TMEM214: variants seen among roughly 807,000 people sequenced by gnomAD.
TMEM214 encodes transmembrane protein 214.
A neutral mutation model predicts 89.8 loss-of-function variants in TMEM214; 71 were observed. That is an observed-to-expected ratio of 0.79 (90% CI 0.65 to 0.96). The LOEUF (loss-of-function observed/expected upper bound fraction) is 0.96, where lower values mean the gene tolerates loss of function less well. TMEM214 is among the 40% of genes least tolerant of loss of function. TMEM214 has a pLI of 0.00. For missense variants in TMEM214, 754 were observed against 843.4 expected, an observed-to-expected ratio of 0.89 and a Z score of 1.31; for synonymous variants, 332 against 349.5, an observed-to-expected ratio of 0.95 and a Z score of 0.56.
chr2:27,035,779 T>G (rs75669005), intron 4 of TMEM214, 51 bp downstream of exon 4: 1 of 1,612,790 alleles, frequency 6.2e-7, no homozygotes, highest in Admixed American at 1.7e-5. Flanking sequence ...CTCCTTTTTT[T>G]CCTGCTTCCA....
chr2:27,039,967 C>T (rs1667758227), intron 14 of TMEM214, 63 bp from the exon 15 acceptor site: 1 of 1,593,454 alleles, frequency 6.3e-7, no homozygotes. Context: ...CCAGCTGTTT[C>T]TTGGGAGCTA....
chr2:27,032,989 G>A lies in TMEM214; in HGVS notation c.-27G>A, dbSNP rs1451088233. 8.0e-7 allele frequency: 1 copy of A among 1,245,160 alleles called. No homozygotes were observed. Among genetic ancestry groups the A allele is most frequent in the Non-Finnish European group, 1.0e-6 (1 of 987,434 alleles). 77.1% of individuals were successfully genotyped at this position (1,245,160 alleles called of 1,614,324 possible). A position where few individuals can be genotyped will look rare whatever the true frequency, so the allele number is the denominator to read the frequency against. On this transcript the variant is annotated 5_prime_UTR_variant, in exon 1 of 17. In the 5' UTR this introduces an upstream ATG that the reference lacks. Coordinates refer to ENST00000238788, the MANE Select transcript of TMEM214 (RefSeq NM_017727.5). ...CGCGCCGGACCGGAAAGCCGGGGAAGTGGCCGAGGAGGGAGGGCTGCGAGC... is the reference window on the plus strand; with the variant it reads ...CGCGCCGGACCGGAAAGCCGGGGAAATGGCCGAGGAGGGAGGGCTGCGAGC...
intron 1 of TMEM214, among the ~76,000 whole-genome samples, chr2:27,033,571 G>T (rs1350322870): frequency 6.6e-6 from 1 of 152,168 alleles, no homozygotes. Flanking sequence ...TGGAGGAAGG[G>T]ACAGGAGGCC....
At chr2:27,036,282 T>C (rs1163482173) in intron 5 of TMEM214, among the ~76,000 whole-genome samples, 1 of 152,206 alleles carries the variant, frequency 6.6e-6, no homozygotes, top group Non-Finnish European at 1.5e-5. Context: ...AGGAGTTCAG[T>C]AACTTTCCTA....
Position 27,040,705 on chromosome 2 carries a change from T to G in TMEM214, c.1944-6T>G. ...CATACTCAAAAATGTTCCACTTTCC[T>G]TCCAGAGGTGAGGTGACCTGGGACT... On this transcript the variant is annotated splice_region_variant and splice_polypyrimidine_tract_variant and intron_variant, in intron 16 of 16. Coordinates refer to ENST00000238788, the MANE Select transcript of TMEM214 (RefSeq NM_017727.5). The G allele has an allele frequency of 6.2e-7, 1 of 1,613,614 alleles. No homozygotes were observed. Among genetic ancestry groups the G allele is most frequent in the Non-Finnish European group, 8.5e-7 (1 of 1,179,872 alleles).
In TMEM214 at chr2:27,040,334, C is replaced by G. The variant is rs746620116; in HGVS notation, c.1792-11C>G. 1.2e-5 allele frequency: 20 copies of G among 1,614,022 alleles called. 1 individual carries two copies. The South Asian group carries it at 2.0e-4, about 16-fold the overall frequency. ...TGGATACTCTGACCCCATCCATTCT[C>G]CATGGTCCAGCTACAGATCCAGCTC... On this transcript the variant is annotated splice_polypyrimidine_tract_variant and intron_variant, in intron 15 of 16. Coordinates refer to ENST00000238788, the MANE Select transcript of TMEM214 (RefSeq NM_017727.5).
Position 27,038,473 on chromosome 2 carries a change from T to G in TMEM214, c.1245-11T>G. On this transcript the variant is annotated splice_polypyrimidine_tract_variant and intron_variant, in intron 10 of 16. Transcript: ENST00000238788. This position sits in a 1 kb window ranked among gnomAD's most constrained non-coding sequence, Gnocchi z 4.4. ...GAGCCACCTGACTAGGGGGTTGTGC[T>G]TTCCCCACAGCCTTCTGCTGGAGCA... The G allele has an allele frequency of 6.2e-7, 1 of 1,613,872 alleles. No homozygotes were observed. The highest frequency in any genetic ancestry group is 8.5e-7 in the Non-Finnish European group (1 of 1,179,948).
chr2:27,033,372 G>T (rs1039155121), intron 1 of TMEM214, among the ~76,000 whole-genome samples: 1 of 152,184 alleles, frequency 6.6e-6, no homozygotes, highest in Non-Finnish European at 1.5e-5. Context: ...GCCCAGTGAA[G>T]TTGGATACCT....
rs1224981174 is a variant in TMEM214 at position 27,041,385 on chromosome 2, A to C, written c.*548A>C. 1 of 154,558 alleles carries C rather than the reference A, an allele frequency of 6.5e-6. No individual in the cohort carries two copies. The highest frequency in any genetic ancestry group is 1.5e-5 in the Non-Finnish European group (1 of 68,664). 9.6% of individuals were successfully genotyped at this position (154,558 alleles called of 1,614,324 possible). A position where few individuals can be genotyped will look rare whatever the true frequency, so the allele number is the denominator to read the frequency against. ...AGCCTGGGTGTGGCTGTCAGTGGAC[A>C]TGGGGAGCTGGATGGAAATGCCTCT... On this transcript the variant is annotated 3_prime_UTR_variant, in exon 17 of 17. Coordinates refer to ENST00000238788, the MANE Select transcript of TMEM214 (RefSeq NM_017727.5).
chr2:27,036,665 T>C, intron 6 of TMEM214, 40 bp from the exon 7 acceptor site: 1 of 1,613,446 alleles, frequency 6.2e-7, no homozygotes, highest in South Asian at 1.1e-5. Context: ...CCCCAGTAGG[T>C]GCAAGCCTGA....
chr2:27,037,294 T>G (rs962336707), intron 8 of TMEM214, 116 bp downstream of exon 8: 1 of 957,904 alleles, frequency 1.0e-6, no homozygotes, highest in African/African-American at 1.6e-5. Context: ...AACCTGGAAG[T>G]TCAAGAGTAG....
chr2:27,040,614 C>A (rs1430461709), intron 16 of TMEM214, 97 bp from the exon 17 acceptor site: 1 of 1,585,178 alleles, frequency 6.3e-7, no homozygotes, highest in East Asian at 2.2e-5. Context: ...CCATTCCTGG[C>A]CACCCTGGGA....
chr2:27,036,958 G>T, intron 7 of TMEM214, 119 bp from the exon 8 acceptor site: 1 of 1,112,316 alleles, frequency 9.0e-7, no homozygotes. Flanking sequence ...GCTATTAAGG[G>T]CTGGCAGATG....
intron 1 of TMEM214, 70 bp from the exon 2 acceptor site, chr2:27,033,997 G>C (rs545330767): frequency 1.3e-6 from 2 of 1,524,964 alleles, no homozygotes; most frequent in African/African-American, 1.4e-5. Context: ...TGTGGGGAAA[G>C]GGACCACTGA....
In TMEM214 at chr2:27,035,742, G is replaced by A. The variant is rs755054697; in HGVS notation, c.637+14G>A. 8.7e-6 allele frequency: 14 copies of A among 1,614,016 alleles called. No individual in the cohort carries two copies. Among genetic ancestry groups the A allele is most frequent in the South Asian group, 2.2e-5 (2 of 91,068 alleles). ...ATAAGACACCAGGTGAAAGGGGCACGGGAGGGATGACCATCTTGGGAGCCT... is the reference window on the plus strand; with the variant it reads ...ATAAGACACCAGGTGAAAGGGGCACAGGAGGGATGACCATCTTGGGAGCCT... On this transcript the variant is annotated intron_variant, in intron 4 of 16. Coordinates refer to ENST00000238788, the MANE Select transcript of TMEM214 (RefSeq NM_017727.5).
At chr2:27,034,333 G>C (rs1343492013) in intron 2 of TMEM214, 67 bp downstream of exon 2, 4 of 1,545,582 alleles carry the variant, frequency 2.6e-6, no homozygotes, top group Non-Finnish European at 3.5e-6. Context: ...ATGAGAGGAG[G>C]GGGAGGTGGA....
At chr2:27,035,096 A>C (rs958768166) in intron 2 of TMEM214, 39 bp from the exon 3 acceptor site, 1 of 1,610,484 alleles carries the variant, frequency 6.2e-7, no homozygotes, top group Non-Finnish European at 8.5e-7. Context: ...CTCACTCACA[A>C]CTCGCCATGG....
chr2:27,040,627 A>G, intron 16 of TMEM214, 84 bp from the exon 17 acceptor site: 1 of 1,590,898 alleles, frequency 6.3e-7, no homozygotes, highest in Non-Finnish European at 8.6e-7. Flanking sequence ...CCCTGGGATG[A>G]GGGTTGTGGG....
At chr2:27,040,253 CT>C in intron 15 of TMEM214, 55 bp downstream of exon 15, 1 of 1,606,244 alleles carries the variant, frequency 6.2e-7, no homozygotes. Flanking sequence ...GAGCAGAATT[CT>C]GGGAAAGGAG....
Sources: allele counts gnomAD v4.1 joint callset (sites outside exome capture counted in the v4.1 genomes callset), GRCh38; gene constraint gnomAD v4.1.1; non-coding constraint Gnocchi (gnomAD v3.1); transcripts MANE v1.5; gene names NCBI Gene and HGNC (gene_info 2026-07-23, HGNC 2026-07-21).